The following CD2AP variants were observed in gnomAD, a reference collection of about 807,000 sequenced individuals.
The protein encoded by CD2AP is CD2-associated protein.
CD2AP carries 46 observed loss-of-function variants against 85.1 expected under a neutral mutation model. The ratio of observed to expected loss-of-function variants is 0.54; its 90% CI spans 0.43 to 0.69. CD2AP has a LOEUF of 0.69. CD2AP is among the 30% of genes least tolerant of loss of function. The probability of loss-of-function intolerance (pLI) is 0.00; values close to 1 mark genes in which losing one functional copy is unlikely to be tolerated. For synonymous variants in CD2AP, 255 were observed against 252.9 expected, an observed-to-expected ratio of 1.01 and a Z score of -0.08; for missense variants, 769 against 729.5, an observed-to-expected ratio of 1.05 and a Z score of -0.62.
At chr6:47,535,480 C>T (rs181395675) in intron 3 of CD2AP, among the ~76,000 whole-genome samples, 1 of 152,196 alleles carries the variant, frequency 6.6e-6, no homozygotes, top group African/African-American at 2.4e-5. Context: ...TTGGGGAAAC[C>T]TCTACTTTTG....
chr6:47,577,093 T>C lies in CD2AP; in HGVS notation c.893T>C (p.Leu298Ser), dbSNP rs2114100622. Residue 298 changes from leucine to serine, a missense_variant, in exon 8 of 18, where the codon TTG becomes TCG. Physicochemically the swap from Leu to Ser is moderately radical, Grantham distance 145. Transcript: ENST00000359314. The part of the protein sequence containing the change: ...LTFKEGEIIH[L>S]ISKETGEAGW... ...TTTAAAGAGGGGGAGATAATCCATT[T>C]GATAAGTAAGGTAAGGTGTTTCTGT... The C allele has an allele frequency of 6.7e-7, 1 of 1,491,762 alleles. No homozygotes were observed. The highest frequency in any genetic ancestry group is 2.3e-5 in the East Asian group (1 of 44,136). 92.4% of individuals were successfully genotyped at this position (1,491,762 alleles called of 1,614,324 possible).
Position 47,477,828 on chromosome 6 carries a change from T to G in CD2AP, c.-417T>G. The G allele has an allele frequency of 4.2e-6, 1 of 240,330 alleles. No individual in the cohort carries two copies. The highest frequency in any genetic ancestry group is 8.1e-6 in the Non-Finnish European group (1 of 123,662). 14.9% of individuals were successfully genotyped at this position (240,330 alleles called of 1,614,324 possible). ...CCACCTTAGTCTACGGTGTCGCCTTTTCTAACTGCGAGTGCTAAGGAAGAG... is the reference window on the plus strand; with the variant it reads ...CCACCTTAGTCTACGGTGTCGCCTTGTCTAACTGCGAGTGCTAAGGAAGAG... On this transcript the variant is annotated 5_prime_UTR_variant, in exon 1 of 18. Coordinates refer to ENST00000359314, the MANE Select transcript of CD2AP (RefSeq NM_012120.3).
intron 8 of CD2AP, 33 bp from the exon 9 acceptor site, chr6:47,579,352 C>G: frequency 8.0e-4 from 665 of 831,592 alleles, no homozygotes; most frequent in Non-Finnish European, 1.2e-3. Context: ...AAAAAAAGGT[C>G]TATTGTCTTA....
chr6:47,567,143 T>G (rs902039467), intron 5 of CD2AP, among the ~76,000 whole-genome samples: 2 of 151,864 alleles, frequency 1.3e-5, no homozygotes, highest in South Asian at 2.1e-4. Flanking sequence ...AATTTGGTGG[T>G]TTTTCACTAT....
intron 13 of CD2AP, among the ~76,000 whole-genome samples, chr6:47,603,928 ATGTC>A (rs1207627819): frequency 6.6e-5 from 10 of 152,036 alleles, no homozygotes; most frequent in Non-Finnish European, 1.2e-4. Context: ...GAAAGTGTAC[ATGTC>A]TGTCTGTCTA....
chr6:47,576,650 T>G, intron 7 of CD2AP, 48 bp downstream of exon 7: 1 of 1,279,330 alleles, frequency 7.8e-7, no homozygotes, highest in Non-Finnish European at 1.1e-6. Context: ...AGAAACATAC[T>G]CAAATGTATT....
chr6:47,511,139 T>C (rs1033514031), intron 2 of CD2AP, among the ~76,000 whole-genome samples: 1 of 137,714 alleles, frequency 7.3e-6, no homozygotes, highest in African/African-American at 2.7e-5. Flanking sequence ...CTTAGTAGCT[T>C]TTAATGGAGA....
At chr6:47,506,530 G>A (rs1189926564) in intron 2 of CD2AP, among the ~76,000 whole-genome samples, 2 of 75,318 alleles carry the variant, frequency 2.7e-5, no homozygotes, top group Non-Finnish European at 6.0e-5. Flanking sequence ...CTGAGTGAAC[G>A]AGACTCCGTC....
chr6:47,483,407 G>A (rs1333260916), intron 1 of CD2AP, among the ~76,000 whole-genome samples: 1 of 152,170 alleles, frequency 6.6e-6, no homozygotes, highest in Non-Finnish European at 1.5e-5. Context: ...GATTCAGACT[G>A]GCATCTTGGG....
chr6:47,601,503 T>G (rs1485990203), intron 13 of CD2AP, among the ~76,000 whole-genome samples: 1 of 152,010 alleles, frequency 6.6e-6, no homozygotes, highest in African/African-American at 2.4e-5. Context: ...GATTATTCAC[T>G]GAGCAGGTTT....
intron 11 of CD2AP, among the ~76,000 whole-genome samples, chr6:47,591,850 C>T (rs1195209242): frequency 6.6e-6 from 1 of 152,056 alleles, no homozygotes; most frequent in Non-Finnish European, 1.5e-5. Context: ...TTCTTGGAGA[C>T]AGGGTCTCAC....
intron 3 of CD2AP, among the ~76,000 whole-genome samples, chr6:47,544,322 T>G (rs1175674790): frequency 2.0e-5 from 3 of 152,188 alleles, no homozygotes; most frequent in Non-Finnish European, 2.9e-5. Context: ...ATTGTCGGTT[T>G]TTTTAGTCTC....
At chr6:47,567,423 A>G (rs1768033079) in intron 5 of CD2AP, among the ~76,000 whole-genome samples, 1 of 152,176 alleles carries the variant, frequency 6.6e-6, no homozygotes, top group African/African-American at 2.4e-5. Context: ...TTGTTAATGT[A>G]TTGTACAAAG....
At position 47,503,438 on chromosome 6, in the gene CD2AP, A is replaced by G. The variant is rs1032565761; in HGVS notation, c.163A>G (p.Lys55Glu). ...AGGAATGTTCCCTGACAATTTCGTTAAGGTAAGTATTTTCAGTTAAATTTC... is the reference window on the plus strand; with the variant it reads ...AGGAATGTTCCCTGACAATTTCGTTGAGGTAAGTATTTTCAGTTAAATTTC... ...RRGMFPDNFV[K>E]EIKRETEFKD... is the part of the protein sequence containing the mutation. The change falls in exon 2 of 18, where the codon AAG becomes GAG. Residue 55 changes from lysine to glutamate, a missense_variant and splice_region_variant. Transcript: ENST00000359314. 2 of 1,613,268 alleles carry G rather than the reference A, an allele frequency of 1.2e-6. No homozygotes were observed. The highest frequency in any genetic ancestry group is 1.7e-6 in the Non-Finnish European group (2 of 1,179,276).
chr6:47,611,749 T>G (rs1769447093), intron 16 of CD2AP, among the ~76,000 whole-genome samples: 1 of 151,994 alleles, frequency 6.6e-6, no homozygotes, highest in African/African-American at 2.4e-5. Context: ...GTCTCATTCC[T>G]CGATTCCTTC....
intron 5 of CD2AP, among the ~76,000 whole-genome samples, chr6:47,566,728 T>TGAA (rs1394473061): frequency 6.6e-6 from 1 of 152,108 alleles, no homozygotes; most frequent in Non-Finnish European, 1.5e-5. Context: ...GGTTTTCTGT[T>TGAA]CCTGTGTTAG....
At chr6:47,590,885 T>C (rs1190599046) in intron 11 of CD2AP, among the ~76,000 whole-genome samples, 2 of 152,068 alleles carry the variant, frequency 1.3e-5, no homozygotes, top group African/African-American at 2.4e-5. Context: ...AAGAAAACAT[T>C]GAGGCAAGGA....
At chr6:47,569,305 G>A (rs1482639729) in intron 5 of CD2AP, among the ~76,000 whole-genome samples, 4 of 152,058 alleles carry the variant, frequency 2.6e-5, no homozygotes, top group Admixed American at 6.6e-5. Flanking sequence ...GAGGAAATGC[G>A]TTTCACATTA....
chr6:47,531,457 C>T (rs558211502), intron 2 of CD2AP, among the ~76,000 whole-genome samples: 16 of 151,518 alleles, frequency 1.1e-4, no homozygotes, highest in East Asian at 8.0e-4. Context: ...ACTGGAGAGA[C>T]GATATGAGGG....
Sources: allele counts gnomAD v4.1 joint callset (sites outside exome capture counted in the v4.1 genomes callset), GRCh38; gene constraint gnomAD v4.1.1; transcripts MANE v1.5; gene names NCBI Gene and HGNC (gene_info 2026-07-23, HGNC 2026-07-21).